Variants in SLC7A7 observed in about 807,000 individuals in gnomAD.
SLC7A7 encodes solute carrier family 7 member 7, also known as Y+L amino acid transporter 1.
A neutral mutation model predicts 47.9 loss-of-function variants in SLC7A7; 39 were observed. The ratio of observed to expected loss-of-function variants is 0.81; its 90% confidence interval spans 0.63 to 1.06. The LOEUF is 1.06. Ranked by LOEUF, SLC7A7 falls within the 50% of genes least tolerant of loss-of-function variation. The probability of loss-of-function intolerance (pLI) is 0.00; values close to 1 mark genes in which losing one functional copy is unlikely to be tolerated. For missense variants in SLC7A7, 588 were observed against 632.0 expected, an observed-to-expected ratio of 0.93 and a Z score of 0.75; for synonymous variants, 234 against 242.8, an observed-to-expected ratio of 0.96 and a Z score of 0.34.
At chr14:22,789,939 C>A (rs1229462941) in intron 2 of SLC7A7, among the ~76,000 whole-genome samples, 5 of 152,060 alleles carry the variant, frequency 3.3e-5, no homozygotes, top group Non-Finnish European at 7.4e-5. Context: ...CCAGTGAGAC[C>A]CATTTCAGAC....
chr14:22,785,949 G>A (rs2038806846), intron 2 of SLC7A7, among the ~76,000 whole-genome samples: 1 of 150,780 alleles, frequency 6.6e-6, no homozygotes, highest in Non-Finnish European at 1.5e-5. Context: ...GTGAACCCGG[G>A]AGGCGGAGCT....
At chr14:22,817,748 A>G (rs2138674822), upstream of SLC7A7, among the ~76,000 whole-genome samples, 1 of 152,330 alleles carries the variant, frequency 6.6e-6, no homozygotes, top group Non-Finnish European at 1.5e-5. Flanking sequence ...AAGTGATGGG[A>G]TTACAGGCGT....
At chr14:22,784,233 A>G (rs2038771664) in intron 2 of SLC7A7, among the ~76,000 whole-genome samples, 1 of 152,204 alleles carries the variant, frequency 6.6e-6, no homozygotes, top group Admixed American at 6.5e-5. Flanking sequence ...GGCCAAGTCT[A>G]TAAGAGGATA....
At chr14:22,807,375 A>T (rs147394803) in intron 2 of SLC7A7, among the ~76,000 whole-genome samples, 1 of 152,012 alleles carries the variant, frequency 6.6e-6, no homozygotes. Flanking sequence ...CCTTTTAACT[A>T]AGTCTCATTA....
intron 2 of SLC7A7, 51 bp downstream of exon 2, chr14:22,812,849 C>T: frequency 6.3e-7 from 1 of 1,583,760 alleles, no homozygotes; most frequent in Non-Finnish European, 8.6e-7. Flanking sequence ...ACTCACATCC[C>T]AGCCTCTGTC....
intron 2 of SLC7A7, among the ~76,000 whole-genome samples, chr14:22,797,295 T>C (rs577160197): frequency 1.6e-4 from 24 of 152,304 alleles, no homozygotes; most frequent in African/African-American, 5.5e-4. Flanking sequence ...GAAGTCAGAA[T>C]AAGCAGCTTC....
chr14:22,799,615 C>T (rs1443263935), intron 2 of SLC7A7, among the ~76,000 whole-genome samples: 5 of 151,766 alleles, frequency 3.3e-5, no homozygotes, highest in South Asian at 4.2e-4. Context: ...CCACCATGCC[C>T]GGCTAGTTTT....
intron 2 of SLC7A7, among the ~76,000 whole-genome samples, chr14:22,799,870 A>G (rs1448239397): frequency 6.6e-6 from 1 of 152,206 alleles, no homozygotes; most frequent in Non-Finnish European, 1.5e-5. Context: ...GGACATTACC[A>G]GGCACATCAA....
At chr14:22,787,436 A>AAAATAAATAAAT (rs34759644) in intron 2 of SLC7A7, among the ~76,000 whole-genome samples, 2,660 of 148,228 alleles carry the variant, frequency 0.018, 73 homozygotes, top group African/African-American at 0.061. Context: ...ACTCCGTCTC[A>AAAATAAATAAAT]AAATAAATAA....
intron 3 of SLC7A7, among the ~76,000 whole-genome samples, chr14:22,779,636 G>T (rs1197866002): frequency 1.3e-5 from 2 of 151,898 alleles, no homozygotes; most frequent in Non-Finnish European, 2.9e-5. Flanking sequence ...TGTATTTTTA[G>T]TCGAGATGGG....
intron 4 of SLC7A7, among the ~76,000 whole-genome samples, chr14:22,776,623 AG>A (rs879724490): frequency 1.3e-5 from 2 of 152,024 alleles, no homozygotes; most frequent in Non-Finnish European, 2.9e-5. Context: ...GCTCGAGTCT[AG>A]GAGTTGGAGA....
intron 2 of SLC7A7, 125 bp downstream of exon 2, chr14:22,812,769 TTAACTA>T: frequency 2.1e-6 from 1 of 473,498 alleles, no homozygotes; most frequent in Non-Finnish European, 3.0e-6. Context: ...AAAGCATACT[TTAACTA>T]TATATATATA....
chr14:22,778,905 C>T lies in SLC7A7; in HGVS notation c.658G>A (p.Gly220Ser), dbSNP rs1488108533. 1 of 1,613,960 alleles carries T rather than the reference C, an allele frequency of 6.2e-7. No individual in the cohort carries two copies. Among genetic ancestry groups the T allele is most frequent in the Non-Finnish European group, 8.5e-7 (1 of 1,180,052 alleles). ...ASTHFENSFEGSSFAVGDIAL... is the reference protein window; with the variant it reads ...ASTHFENSFESSSFAVGDIAL... Reference sequence around the variant, plus strand: ...ATGTCACCCACTGCAAATGATGAACCCTCAAAGGAATTCTCAAAATGAGTA... The same window carrying T: ...ATGTCACCCACTGCAAATGATGAACTCTCAAAGGAATTCTCAAAATGAGTA... Residue 220 changes from glycine (G) to serine (S), a missense_variant, in exon 4 of 10, where the codon GGT becomes AGT. Gly to Ser is a moderately conservative substitution (Grantham distance 56). Coordinates refer to ENST00000674313, the MANE Select transcript of SLC7A7 (RefSeq NM_003982.4).
chr14:22,799,597 G>C (rs2039077931), intron 2 of SLC7A7, among the ~76,000 whole-genome samples: 1 of 151,592 alleles, frequency 6.6e-6, no homozygotes, highest in African/African-American at 2.4e-5. Context: ...TGGGACTACA[G>C]GTGCACACCA....
intron 2 of SLC7A7, among the ~76,000 whole-genome samples, chr14:22,796,073 G>T (rs1459490291): frequency 1.3e-5 from 2 of 152,090 alleles, no homozygotes; most frequent in African/African-American, 4.8e-5. Context: ...CCTATTTCTT[G>T]AGGTGAATAT....
Position 22,776,281 on chromosome 14 carries a change from C to T in SLC7A7, c.808G>A (p.Val270Ile). The T allele has an allele frequency of 3.1e-6, 5 of 1,614,204 alleles. No homozygotes were observed. The highest frequency in any genetic ancestry group is 4.2e-6 in the Non-Finnish European group (5 of 1,180,040). The change falls in exon 5 of 10, where the codon GTC becomes ATC. Residue 270 changes from valine to isoleucine, a missense_variant. Coordinates refer to ENST00000674313, the MANE Select transcript of SLC7A7 (RefSeq NM_003982.4). Reference protein sequence around the residue: ...PLSIGISMPIVTIIYILTNVA... With the variant: ...PLSIGISMPIITIIYILTNVA... ...TTGGTCAAGATATAGATGATGGTGA[C>T]AATGGGCATGGAGATGCCAATGGAG...
chr14:22,797,895 C>T (rs2039045619), intron 2 of SLC7A7, among the ~76,000 whole-genome samples: 1 of 152,100 alleles, frequency 6.6e-6, no homozygotes, highest in African/African-American at 2.4e-5. Context: ...GGAGCAGAGA[C>T]TCTGTGTTTG....
upstream of SLC7A7, chr14:22,815,625 GCT>G: frequency 4.4e-6 from 2 of 454,080 alleles, no homozygotes; most frequent in Non-Finnish European, 8.8e-6. Context: ...ATAAGAAGGT[GCT>G]CTCTCAGGAA....
chr14:22,786,034 A>C (rs1296231555), intron 2 of SLC7A7, among the ~76,000 whole-genome samples: 1 of 150,712 alleles, frequency 6.6e-6, no homozygotes, highest in Admixed American at 6.6e-5. Flanking sequence ...AAAAAAAAAA[A>C]AAAAAGCCAG....
Sources: gnomAD v4.1 joint callset for allele counts (sites outside exome capture counted in the v4.1 genomes callset) on GRCh38, gnomAD v4.1.1 for gene constraint, MANE v1.5 for transcripts, NCBI Gene and HGNC (gene_info 2026-07-23, HGNC 2026-07-21) for gene names.